Variants in CACNB4 observed in about 807,000 individuals in gnomAD.
CACNB4 encodes the protein calcium voltage-gated channel auxiliary subunit beta 4, also known as voltage-dependent L-type calcium channel subunit beta-4.
In CACNB4, 32 loss-of-function variants were observed where a neutral mutation model predicts 71.2. The observed-to-expected ratio is 0.45, with a 90% CI of 0.34 to 0.60. The LOEUF (loss-of-function observed/expected upper bound fraction) is 0.60, where lower values mean the gene tolerates loss of function less well. CACNB4 is among the 20% of genes least tolerant of loss of function. The pLI, the probability that CACNB4 is intolerant of heterozygous loss-of-function variation, is 0.01. For missense variants in CACNB4, 464 were observed against 647.9 expected (o/e 0.72, Z 3.08); for synonymous variants, 231 against 236.9 (o/e 0.97, Z 0.23).
chr2:151,944,114 G>T (rs79997329), intron 2 of CACNB4, among the ~76,000 whole-genome samples: 1 of 149,018 alleles, frequency 6.7e-6, no homozygotes, highest in Non-Finnish European at 1.5e-5. Flanking sequence ...CTATAGCTTC[G>T]AACACCTGGA....
intron 12 of CACNB4, chr2:151,851,453 C>T (rs1405884786): frequency 6.6e-6 from 1 of 152,190 alleles, no homozygotes; most frequent in African/African-American, 2.4e-5. Context: ...AATGGTAAGG[C>T]AAGGCTGTCT....
At chr2:151,926,789 T>A (rs986804950) in intron 2 of CACNB4, among the ~76,000 whole-genome samples, 1 of 152,208 alleles carries the variant, frequency 6.6e-6, no homozygotes, top group African/African-American at 2.4e-5. Flanking sequence ...GTGACTGTGC[T>A]CTTCTGCTCT....
At chr2:151,912,999 T>C (rs571607333) in intron 2 of CACNB4, among the ~76,000 whole-genome samples, 20 of 152,352 alleles carry the variant, frequency 1.3e-4, no homozygotes, top group African/African-American at 4.3e-4. Flanking sequence ...ACCCCTGCTT[T>C]TTTTTTCTTT....
intron 2 of CACNB4, among the ~76,000 whole-genome samples, chr2:151,980,153 C>T (rs764512405): frequency 1.1e-4 from 17 of 152,144 alleles, no homozygotes; most frequent in Non-Finnish European, 1.9e-4. Context: ...TTTGATAACA[C>T]GATTAATAAT....
At chr2:152,065,943 T>C (rs1327900899) in intron 2 of CACNB4, among the ~76,000 whole-genome samples, 2 of 152,164 alleles carry the variant, frequency 1.3e-5, no homozygotes, top group Non-Finnish European at 2.9e-5. Context: ...ACACTATTCT[T>C]GGTTACAAAA....
intron 2 of CACNB4, among the ~76,000 whole-genome samples, chr2:151,990,526 G>A (rs1160039628): frequency 1.3e-5 from 2 of 152,198 alleles, no homozygotes; most frequent in African/African-American, 4.8e-5. Flanking sequence ...TGAGCTCCAG[G>A]AGGAACAGGG....
intron 2 of CACNB4, among the ~76,000 whole-genome samples, chr2:152,038,836 C>G (rs1473186564): frequency 2.0e-5 from 3 of 152,102 alleles, no homozygotes; most frequent in Admixed American, 1.3e-4. Flanking sequence ...CACCTCCCAG[C>G]CCAGGACACT....
chr2:151,990,598 G>GC (rs1056627614), intron 2 of CACNB4, among the ~76,000 whole-genome samples: 3 of 152,140 alleles, frequency 2.0e-5, no homozygotes, highest in African/African-American at 7.2e-5. Context: ...CATAGAAAGT[G>GC]CCCCCCAATC....
At chr2:151,998,082 G>A (rs1417290516) in intron 2 of CACNB4, among the ~76,000 whole-genome samples, 1 of 152,140 alleles carries the variant, frequency 6.6e-6, no homozygotes, top group African/African-American at 2.4e-5. Context: ...CAGCACTTTG[G>A]GAGGCCAAGG....
intron 2 of CACNB4, among the ~76,000 whole-genome samples, chr2:152,022,907 A>G (rs190438701): frequency 5.5e-4 from 84 of 152,298 alleles, no homozygotes; most frequent in African/African-American, 2.0e-3. Flanking sequence ...GTTTGACAAT[A>G]TTTACACTTG....
chr2:151,998,219 GGAGGC>G (rs1682178004), intron 2 of CACNB4, among the ~76,000 whole-genome samples: 2 of 150,862 alleles, frequency 1.3e-5, no homozygotes, highest in South Asian at 4.2e-4. Flanking sequence ...CAGCTACTCA[GGAGGC>G]TCAGACAAGA....
intron 2 of CACNB4, among the ~76,000 whole-genome samples, chr2:152,015,617 C>T (rs1683300274): frequency 1.3e-5 from 2 of 152,208 alleles, no homozygotes; most frequent in South Asian, 4.1e-4. Context: ...TACGTTACTT[C>T]TGGATGGAAG....
At chr2:151,920,743 C>A (rs1375546271) in intron 2 of CACNB4, among the ~76,000 whole-genome samples, 1 of 152,128 alleles carries the variant, frequency 6.6e-6, no homozygotes, top group Non-Finnish European at 1.5e-5. Context: ...ATTTTGTGAT[C>A]AGGATCATAA....
At chr2:152,092,758 G>A (rs1688047197) in intron 2 of CACNB4, among the ~76,000 whole-genome samples, 1 of 151,452 alleles carries the variant, frequency 6.6e-6, no homozygotes, top group South Asian at 2.1e-4. Flanking sequence ...TAACCGTGGG[G>A]GATACATTCC....
chr2:151,862,882 T>C (rs1406415579), intron 9 of CACNB4, among the ~76,000 whole-genome samples: 1 of 152,128 alleles, frequency 6.6e-6, no homozygotes, highest in African/African-American at 2.4e-5. Flanking sequence ...AGTCAAGTGG[T>C]CAAGCATGGA....
At position 151,853,528 on chromosome 2, in the gene CACNB4, T is replaced by C; in HGVS notation, c.1036A>G (p.Ile346Val). 1 of 1,590,110 alleles carries C rather than the reference T, an allele frequency of 6.3e-7. No individual in the cohort carries two copies. Among genetic ancestry groups the C allele is most frequent in the Non-Finnish European group, 8.6e-7 (1 of 1,167,446 alleles). The change falls in exon 12 of 14, where the codon ATT becomes GTT. Residue 346 changes from isoleucine to valine, a missense_variant. Physicochemically the swap from Ile to Val is conservative, Grantham distance 29 (BLOSUM62 3). Coordinates refer to ENST00000539935, the MANE Select transcript of CACNB4 (RefSeq NM_000726.5). ...CTTTGTGACTTTCCTCTAGATTTAA[T>C]CAACCGCTGTAAAACCTGATAGAAG... ...VSSPKVLQRL[I>V]KSRGKSQSKH... is the part of the protein sequence containing the mutation.
intron 9 of CACNB4, chr2:151,867,751 T>C (rs1178515117): frequency 1.3e-5 from 2 of 152,178 alleles, no homozygotes; most frequent in South Asian, 2.1e-4. Context: ...ACCAGTGAAA[T>C]GTCAGTTGCG....
At chr2:152,042,248 G>A (rs1288112723) in intron 2 of CACNB4, among the ~76,000 whole-genome samples, 1 of 152,164 alleles carries the variant, frequency 6.6e-6, no homozygotes, top group Non-Finnish European at 1.5e-5. Context: ...CACCAGCAAG[G>A]CCTCAAACAG....
chr2:152,095,513 A>G (rs1013823125), intron 2 of CACNB4, among the ~76,000 whole-genome samples: 2 of 152,098 alleles, frequency 1.3e-5, no homozygotes, highest in East Asian at 3.9e-4. Flanking sequence ...AGCAATATAT[A>G]TATTTTTTGG....
Sources: allele counts gnomAD v4.1 joint callset (sites outside exome capture counted in the v4.1 genomes callset), GRCh38; gene constraint gnomAD v4.1.1; transcripts MANE v1.5; gene names NCBI Gene and HGNC (gene_info 2026-07-23, HGNC 2026-07-21).